ABCB1: variants seen among roughly 807,000 people sequenced by gnomAD.
ABCB1 encodes ATP-dependent translocase ABCB1.
Under a neutral mutation model 142.0 loss-of-function variants are expected in ABCB1, and 69 were observed. The observed-to-expected ratio is 0.49, with a 90% CI of 0.40 to 0.59. ABCB1 has a LOEUF of 0.59. Among genes scored for constraint, ABCB1 ranks in the 20% least tolerant of loss-of-function variants. The pLI is 0.00. For missense variants in ABCB1, 1,326 were observed against 1,554.7 expected (o/e 0.85, Z 2.47); for synonymous variants, 532 against 539.2 (o/e 0.99, Z 0.18).
chr7:87,539,471 T>C (rs960285540), intron 18 of ABCB1, 126 bp from the exon 19 acceptor site: 4 of 969,964 alleles, frequency 4.1e-6, no homozygotes, highest in Non-Finnish European at 4.8e-6. Flanking sequence ...GGGCTTGCTA[T>C]GTTTCTGTGA....
intron 21 of ABCB1, among the ~76,000 whole-genome samples, chr7:87,526,530 A>T (rs919067361): frequency 2.8e-5 from 4 of 144,398 alleles, no homozygotes; most frequent in African/African-American, 5.2e-5. Context: ...AAAATTTATT[A>T]AAAAAAAAAA....
At chr7:87,573,304 C>G (rs1818130581) in intron 4 of ABCB1, among the ~76,000 whole-genome samples, 1 of 152,170 alleles carries the variant, frequency 6.6e-6, no homozygotes, top group Non-Finnish European at 1.5e-5. Context: ...ACTTCCACCA[C>G]TCTGATGCTT....
At chr7:87,569,401 T>C (rs922577290) in intron 5 of ABCB1, among the ~76,000 whole-genome samples, 2 of 151,660 alleles carry the variant, frequency 1.3e-5, no homozygotes, top group Non-Finnish European at 2.9e-5. Flanking sequence ...TAATGTAAAA[T>C]CATTTTCTTC....
intron 8 of ABCB1, among the ~76,000 whole-genome samples, chr7:87,555,884 C>G (rs1218822609): frequency 6.6e-6 from 1 of 152,148 alleles, no homozygotes; most frequent in Non-Finnish European, 1.5e-5. Context: ...TCAGTTCTCG[C>G]TTACCAAGAC....
chr7:87,524,980 T>G (rs1258068325), intron 21 of ABCB1, among the ~76,000 whole-genome samples: 1 of 152,184 alleles, frequency 6.6e-6, no homozygotes, highest in Admixed American at 6.6e-5. Flanking sequence ...TAAATGTCAT[T>G]GCTTTTTAGT....
rs767030297 is a variant in ABCB1, at chr7:87,545,967, C to T, written c.1783G>A (p.Ala595Thr). ...TCATCGAAACCAGCGATGACGTCAG[C>T]ATTACGAACTGTAGACAAACGATGA... is the stretch of plus-strand genomic sequence containing the variant. ...IAHRLSTVRN[A>T]DVIAGFDDGV... The change falls in exon 15 of 28, where the codon GCT becomes ACT. Residue 595 changes from alanine (A) to threonine (T), a missense_variant. Transcript: ENST00000622132. 1 of 1,614,142 alleles carries T rather than the reference C, an allele frequency of 6.2e-7. No homozygotes were observed. Among genetic ancestry groups the T allele is most frequent in the Non-Finnish European group, 8.5e-7 (1 of 1,180,012 alleles).
intron 21 of ABCB1, among the ~76,000 whole-genome samples, chr7:87,528,903 G>T (rs1182808389): frequency 6.6e-6 from 1 of 152,170 alleles, no homozygotes; most frequent in East Asian, 1.9e-4. Flanking sequence ...TCCAGGAATT[G>T]CAAGAATGCC....
At chr7:87,628,124 G>C (rs139348648) in intron 1 of ABCB1, among the ~76,000 whole-genome samples, 114 of 152,286 alleles carry the variant, frequency 7.5e-4, no homozygotes, top group East Asian at 5.8e-4. Flanking sequence ...TACAGGCAAG[G>C]GGGGGGCAAT....
chr7:87,523,274 G>C (rs576130642), intron 21 of ABCB1, among the ~76,000 whole-genome samples: 13 of 152,060 alleles, frequency 8.5e-5, no homozygotes, highest in African/African-American at 3.1e-4. Context: ...CACTACACCT[G>C]GCTTGAATTA....
At chr7:87,647,987 A>G (rs1047573437) in intron 1 of ABCB1, among the ~76,000 whole-genome samples, 7 of 152,104 alleles carry the variant, frequency 4.6e-5, no homozygotes, top group African/African-American at 1.7e-4. Flanking sequence ...AATCGAGACC[A>G]TCCTGGCTAA....
chr7:87,651,083 A>G (rs1388950730), intron 1 of ABCB1: 2 of 581,620 alleles, frequency 3.4e-6, no homozygotes, highest in Non-Finnish European at 6.1e-6. Flanking sequence ...GTGACTACGA[A>G]AGAGCCTCTG....
intron 1 of ABCB1, chr7:87,710,533 AT>A (rs765183225): frequency 1.8e-5 from 24 of 1,307,186 alleles, no homozygotes; most frequent in South Asian, 5.4e-5. Flanking sequence ...TATTTTTTTA[AT>A]TTTTTTTATA....
intron 1 of ABCB1, among the ~76,000 whole-genome samples, chr7:87,642,644 A>G (rs1184164951): frequency 7.2e-5 from 11 of 151,854 alleles, no homozygotes; most frequent in Admixed American, 7.2e-4. Flanking sequence ...TATATATTTT[A>G]TTATACTTGA....
At chr7:87,707,186 A>C (rs1031566706) in intron 1 of ABCB1, among the ~76,000 whole-genome samples, 14 of 152,198 alleles carry the variant, frequency 9.2e-5, no homozygotes, top group Non-Finnish European at 2.1e-4. Context: ...TCTAGTATAC[A>C]GTAAAAAATC....
intron 7 of ABCB1, among the ~76,000 whole-genome samples, chr7:87,562,036 G>A (rs913634677): frequency 2.0e-5 from 3 of 152,012 alleles, no homozygotes; most frequent in Admixed American, 2.0e-4. Context: ...TAAAAATTCT[G>A]ATTAAATAGA....
In ABCB1 at chr7:87,504,447, A is replaced by G. The variant is rs143356931; in HGVS notation, c.3639T>C (p.Val1213=). 4 of 1,614,060 alleles carry G rather than the reference A, an allele frequency of 2.5e-6. No homozygotes were observed. The highest frequency in any genetic ancestry group is 1.3e-5 in the African/African-American group (1 of 75,048). Reference sequence around the variant, plus strand: ...TGGCTTTGTCCAGGGCTTCTTGGACAACCTATTCCATAATCACATAGATTA... The same window carrying G: ...TGGCTTTGTCCAGGGCTTCTTGGACGACCTATTCCATAATCACATAGATTA... ...TSALDTESEK[V]VQEALDKARE... Residue 1213 remains valine, a splice_region_variant and synonymous_variant, in exon 28 of 28, where the codon GTT becomes GTC. Coordinates refer to ENST00000622132, the MANE Select transcript of ABCB1 (RefSeq NM_001348946.2).
chr7:87,617,399 C>A (rs747562055), intron 1 of ABCB1, among the ~76,000 whole-genome samples: 2 of 152,158 alleles, frequency 1.3e-5, no homozygotes, highest in Non-Finnish European at 2.9e-5. Context: ...TTTCTGAGAA[C>A]CTCACTGTGT....
intron 1 of ABCB1, among the ~76,000 whole-genome samples, chr7:87,642,879 A>G (rs1822593039): frequency 6.6e-6 from 1 of 152,176 alleles, no homozygotes; most frequent in Non-Finnish European, 1.5e-5. Flanking sequence ...AGATTGAGAA[A>G]ATATTTTAAA....
At chr7:87,532,793 C>G (rs1056037957) in intron 20 of ABCB1, among the ~76,000 whole-genome samples, 1 of 152,184 alleles carries the variant, frequency 6.6e-6, no homozygotes, top group Non-Finnish European at 1.5e-5. Flanking sequence ...TCACTTTACT[C>G]TGTGGATTCG....
Sources: gnomAD v4.1 joint callset for allele counts (sites outside exome capture counted in the v4.1 genomes callset) on GRCh38, gnomAD v4.1.1 for gene constraint, MANE v1.5 for transcripts, NCBI Gene and HGNC (gene_info 2026-07-23, HGNC 2026-07-21) for gene names.